FGL1: variants seen among roughly 807,000 people sequenced by gnomAD.
The protein encoded by FGL1 is fibrinogen-like protein 1.
FGL1 carries 59 observed loss-of-function variants against 43.7 expected under a neutral mutation model. The observed-to-expected ratio is 1.35, with a 90% CI of 1.10 to 1.68. The LOEUF (loss-of-function observed/expected upper bound fraction) is 1.68, where lower values mean the gene tolerates loss of function less well. Ranked by LOEUF, FGL1 falls within the 40% of genes most tolerant of loss-of-function variation. The pLI is 0.00. For missense variants in FGL1, 596 were observed against 373.0 expected (o/e 1.60, Z -4.92); for synonymous variants, 192 against 126.5 (o/e 1.52, Z -3.48).
chr8:17,891,771 T>C, intron 1 of FGL1: 1 of 983,816 alleles, frequency 1.0e-6, no homozygotes, highest in Non-Finnish European at 1.2e-6. Context: ...CTGTTGAATT[T>C]ATAAGATGTC....
chr8:17,869,776 G>C (rs1036232776), intron 5 of FGL1, among the ~76,000 whole-genome samples: 19 of 152,166 alleles, frequency 1.2e-4, no homozygotes, highest in African/African-American at 4.1e-4. Flanking sequence ...GAGTAAAAAG[G>C]TATTTCTGAA....
chr8:17,887,915 A>G (rs909472437), intron 1 of FGL1, among the ~76,000 whole-genome samples: 3 of 151,996 alleles, frequency 2.0e-5, no homozygotes, highest in African/African-American at 7.2e-5. Context: ...TGTAGCAACA[A>G]TTTATAAGAA....
At chr8:17,888,003 A>G (rs1372241452) in intron 1 of FGL1, among the ~76,000 whole-genome samples, 5 of 152,102 alleles carry the variant, frequency 3.3e-5, no homozygotes, top group Admixed American at 2.0e-4. Context: ...GTATGTACCT[A>G]TCTTAGGCCC....
At chr8:17,891,923 A>T (rs185851307) in intron 1 of FGL1, 48 of 294,570 alleles carry the variant, frequency 1.6e-4, no homozygotes, top group African/African-American at 9.7e-4. Flanking sequence ...TTTAAAAGAG[A>T]CATTTGGATT....
In FGL1 at chr8:17,868,668, T is replaced by C; in HGVS notation, c.659A>G (p.His220Arg). ...TAGDSLAGNFHPEVQWWASHQ... is the reference protein window; with the variant it reads ...TAGDSLAGNFRPEVQWWASHQ... The stretch of plus-strand genomic sequence containing the variant: ...ACTAGCCCACCACTGCACCTCAGGA[T>C]GAAAATTCCCCGCAAGGGAATCTCC... Residue 220 changes from histidine to arginine, a missense_variant, in exon 7 of 8, where the codon CAT becomes CGT. By Grantham distance (29) the His-to-Arg change is conservative (BLOSUM62 0). Coordinates refer to ENST00000427924, the MANE Select transcript of FGL1 (RefSeq NM_004467.4). The C allele has an allele frequency of 1.9e-6, 3 of 1,614,062 alleles. No individual in the cohort carries two copies. The highest frequency in any genetic ancestry group is 2.5e-6 in the Non-Finnish European group (3 of 1,179,980).
chr8:17,890,884 G>C (rs1336087860), intron 1 of FGL1, among the ~76,000 whole-genome samples: 1 of 152,030 alleles, frequency 6.6e-6, no homozygotes, highest in Non-Finnish European at 1.5e-5. Context: ...CTGCCCCCAT[G>C]ATTCAATTAC....
intron 1 of FGL1, among the ~76,000 whole-genome samples, chr8:17,892,229 A>G (rs2053715496): frequency 6.6e-6 from 1 of 152,218 alleles, no homozygotes; most frequent in South Asian, 2.1e-4. Context: ...TTTCTTAAAC[A>G]TAAACAATTG....
At chr8:17,864,874 C>G (rs1370808505) in intron 7 of FGL1, 123 bp from the exon 8 acceptor site, 2 of 777,948 alleles carry the variant, frequency 2.6e-6, no homozygotes, top group East Asian at 3.3e-5. Flanking sequence ...ATTTTTCAGA[C>G]AAGTAAATAT....
At chr8:17,866,494 T>C (rs1029536366) in intron 7 of FGL1, among the ~76,000 whole-genome samples, 2 of 152,174 alleles carry the variant, frequency 1.3e-5, no homozygotes, top group Admixed American at 1.3e-4. Context: ...ATGGTAGAAG[T>C]AGCACCAAGT....
chr8:17,866,421 G>A (rs1659679817), intron 7 of FGL1, among the ~76,000 whole-genome samples: 1 of 152,130 alleles, frequency 6.6e-6, no homozygotes, highest in Non-Finnish European at 1.5e-5. Flanking sequence ...AGAACTATGG[G>A]ACAGAAAAAA....
At chr8:17,893,676 G>C (rs907444428) in intron 1 of FGL1, among the ~76,000 whole-genome samples, 5 of 146,748 alleles carry the variant, frequency 3.4e-5, no homozygotes, top group Non-Finnish European at 7.4e-5. Context: ...ATTAGCTTTA[G>C]AATAATTCCT....
intron 7 of FGL1, among the ~76,000 whole-genome samples, chr8:17,867,609 C>T (rs558155506): frequency 1.3e-5 from 2 of 152,318 alleles, no homozygotes; most frequent in South Asian, 2.1e-4. Context: ...AAGCATGATT[C>T]GAACACGAGC....
rs7826011 is a variant in FGL1 at position 17,867,216 on chromosome 8, C to A, written c.779+1332G>T. 9.3e-3 allele frequency among the ~76,000 whole-genome samples: 1,422 copies of A among 152,226 alleles called. 21 individuals carry two copies. The highest frequency in any genetic ancestry group is 0.032 in the African/African-American group (1,349 of 41,538). On this transcript the variant is annotated intron_variant, in intron 7 of 7. Transcript: ENST00000427924. ...CCAAATTCTATATATTGATACTATG[C>A]TTTTTCAGTCTGATAACCGAAACAG...
chr8:17,884,851 A>C (rs1466281089), intron 2 of FGL1, among the ~76,000 whole-genome samples: 1 of 152,172 alleles, frequency 6.6e-6, no homozygotes, highest in Non-Finnish European at 1.5e-5. Context: ...CAAATGAAGG[A>C]CAACACAAGT....
chr8:17,870,914 A>G (rs2053349135), intron 5 of FGL1, among the ~76,000 whole-genome samples: 1 of 151,526 alleles, frequency 6.6e-6, no homozygotes, highest in Admixed American at 6.6e-5. Flanking sequence ...CAAAAAAAAA[A>G]AGCCATTTTT....
Position 17,868,574 on chromosome 8 carries a change from T to G in FGL1, c.753A>C (p.Glu251Asp). ...TGTTAAACCACCAGCCAGACTGATC[T>G]TCTTCTGCGCAGTTCCCTTCATAGT... ...HDNYEGNCAE[E>D]DQSGWWFNRC... Residue 251 changes from glutamate (E) to aspartate (D), a missense_variant, in exon 7 of 8, where the codon GAA (glutamate) becomes GAC (aspartate). By Grantham distance (45) the Glu-to-Asp change is conservative (BLOSUM62 2). Transcript: ENST00000427924. 1 of 1,612,706 alleles carries G rather than the reference T, an allele frequency of 6.2e-7. No individual in the cohort carries two copies. The highest frequency in any genetic ancestry group is 8.5e-7 in the Non-Finnish European group (1 of 1,179,504).
chr8:17,866,976 T>C (rs1325724828), intron 7 of FGL1, among the ~76,000 whole-genome samples: 9 of 152,172 alleles, frequency 5.9e-5, no homozygotes, highest in African/African-American at 2.2e-4. Flanking sequence ...ACCTTCAATT[T>C]GCAAAGCAGG....
intron 5 of FGL1, among the ~76,000 whole-genome samples, chr8:17,871,300 C>A (rs1452752887): frequency 2.0e-5 from 3 of 152,088 alleles, no homozygotes; most frequent in African/African-American, 7.2e-5. Context: ...TGAGACCATC[C>A]TGGTCAGCAT....
Position 17,864,486 on chromosome 8 carries a change from A to T in FGL1, c.*106T>A, listed in dbSNP as rs1056544567. ...GCAAGTGAGAAGAATGAAAAGCACT[A>T]CTCACAACAGTTATCATGATTGCGC... On this transcript the variant is annotated 3_prime_UTR_variant, in exon 8 of 8. Transcript: ENST00000427924. The T allele has an allele frequency of 8.2e-7, 1 of 1,222,170 alleles. No homozygotes were observed. The highest frequency in any genetic ancestry group is 2.6e-5 in the Admixed American group (1 of 38,980). The allele number at this position is 1,222,170 out of a possible 1,614,324, so 75.7% of individuals were successfully genotyped here. A position where few individuals can be genotyped will look rare whatever the true frequency, so the allele number is the denominator to read the frequency against.
Sources: allele counts gnomAD v4.1 joint callset (sites outside exome capture counted in the v4.1 genomes callset), GRCh38; gene constraint gnomAD v4.1.1; transcripts MANE v1.5; gene names NCBI Gene and HGNC (gene_info 2026-07-23, HGNC 2026-07-21).